The following RNF111 variants were observed in gnomAD, a reference collection of about 807,000 sequenced individuals.
The protein encoded by RNF111 is E3 ubiquitin-protein ligase Arkadia.
In RNF111, 17 loss-of-function variants were observed where a neutral mutation model predicts 95.1. The ratio of observed to expected loss-of-function variants is 0.18; its 90% CI spans 0.12 to 0.27. RNF111 has a LOEUF of 0.27. Among genes scored for constraint, RNF111 ranks in the 10% least tolerant of loss-of-function variants. The probability of loss-of-function intolerance (pLI) is 1.00; values close to 1 mark genes in which losing one functional copy is unlikely to be tolerated. For missense variants in RNF111, 1,189 were observed against 1,210.4 expected, an observed-to-expected ratio of 0.98 and a Z score of 0.26; for synonymous variants, 440 against 414.8, an observed-to-expected ratio of 1.06 and a Z score of -0.74.
intron 1 of RNF111, among the ~76,000 whole-genome samples, chr15:58,991,608 G>C (rs1350228791): frequency 1.3e-5 from 2 of 152,184 alleles, no homozygotes; most frequent in Non-Finnish European, 2.9e-5. Context: ...AATTTGACCT[G>C]TGACTTCAAT....
intron 6 of RNF111, among the ~76,000 whole-genome samples, chr15:59,075,559 T>C (rs1469778764): frequency 4.6e-5 from 7 of 152,206 alleles, no homozygotes; most frequent in Admixed American, 3.9e-4. Context: ...TAGTATGTTT[T>C]CTCAAGGAGT....
chr15:59,027,626 T>A (rs1040088398), intron 1 of RNF111, among the ~76,000 whole-genome samples: 1 of 152,028 alleles, frequency 6.6e-6, no homozygotes, highest in Non-Finnish European at 1.5e-5. Flanking sequence ...TCTCCTGGGT[T>A]CAAGCGATTC....
intron 1 of RNF111, among the ~76,000 whole-genome samples, chr15:59,030,097 A>G (rs1452045725): frequency 6.6e-6 from 1 of 152,174 alleles, no homozygotes; most frequent in Non-Finnish European, 1.5e-5. Context: ...AATGATTTAG[A>G]TAGATTAGCT....
At chr15:58,997,499 G>A (rs2039129190) in intron 1 of RNF111, among the ~76,000 whole-genome samples, 1 of 149,502 alleles carries the variant, frequency 6.7e-6, no homozygotes, top group Non-Finnish European at 1.5e-5. Flanking sequence ...TGTTCTTCAT[G>A]ACTACACATT....
chr15:59,076,884 C>G (rs1304528064), intron 7 of RNF111, among the ~76,000 whole-genome samples: 1 of 152,046 alleles, frequency 6.6e-6, no homozygotes, highest in Non-Finnish European at 1.5e-5. Context: ...TGGAAATGAA[C>G]CAGGAAGTCA....
At position 59,071,414 on chromosome 15, in the gene RNF111, G is replaced by A. The variant is rs185178342; in HGVS notation, c.1686+4331G>A. ...ATGCTTTTGGAAGGCAGTGCATAGT[G>A]GCTTACGCCTGAAATCCTAGCACCT... is the stretch of plus-strand genomic sequence containing the variant. On this transcript the variant is annotated intron_variant, in intron 6 of 13. Coordinates refer to ENST00000348370, the MANE Select transcript of RNF111 (RefSeq NM_017610.8). 3.9e-3 allele frequency among the ~76,000 whole-genome samples: 587 copies of A among 152,242 alleles called. 1 individual carries two copies. Among genetic ancestry groups the A allele is most frequent in the Non-Finnish European group, 6.9e-3 (467 of 68,012 alleles).
chr15:58,991,465 T>C (rs1437941408), intron 1 of RNF111, among the ~76,000 whole-genome samples: 1 of 152,192 alleles, frequency 6.6e-6, no homozygotes, highest in Non-Finnish European at 1.5e-5. Flanking sequence ...GTTCTGTGTG[T>C]GGGAACATAA....
In RNF111 at chr15:58,992,304, C is replaced by G. The variant is rs893959171; in HGVS notation, c.-20+4236C>G. Among the ~76,000 whole-genome samples the G allele has an allele frequency of 5.3e-5, 8 of 152,254 alleles. No individual in the cohort carries two copies. In the South Asian group the frequency reaches 1.7e-3, roughly 32 times the overall value. ...AGGTGATTCGCCCGTCTCGGCCTCC[C>G]AAAGTGCTGGGATTACAGACGTGGG... On this transcript the variant is annotated intron_variant, in intron 1 of 13. Coordinates refer to ENST00000348370, the MANE Select transcript of RNF111 (RefSeq NM_017610.8).
chr15:59,022,105 C>G (rs570008044), intron 1 of RNF111, among the ~76,000 whole-genome samples: 40 of 152,152 alleles, frequency 2.6e-4, no homozygotes, highest in Non-Finnish European at 4.9e-4. Context: ...AGTGATCTCC[C>G]CGCCTTGGCC....
Position 59,090,140 on chromosome 15 carries a change from G to A in RNF111, c.2643+381G>A, listed in dbSNP as rs750573150. On this transcript the variant is annotated intron_variant, in intron 11 of 13. Transcript: ENST00000348370. ...TAAGTAATTCCCTTTGTAGCTAAAT[G>A]TCTTGTTTGAATTTTCAGGAAGAAC... 3.9e-5 allele frequency among the ~76,000 whole-genome samples: 6 copies of A among 152,188 alleles called. No individual in the cohort carries two copies. The East Asian group carries it at 7.7e-4, about 20-fold the overall frequency.
chr15:59,088,150 T>G (rs2078950323), intron 10 of RNF111, among the ~76,000 whole-genome samples: 1 of 152,122 alleles, frequency 6.6e-6, no homozygotes, highest in African/African-American at 2.4e-5. Flanking sequence ...GAGGAATTGT[T>G]TGAAGATATT....
chr15:59,044,376 A>G (rs112982532), intron 2 of RNF111, among the ~76,000 whole-genome samples: 9,990 of 152,236 alleles, frequency 0.066, 303 homozygotes, highest in Middle Eastern at 0.095. Context: ...CTTAAGGCAC[A>G]GAGAGACTAA....
rs915187974 is a variant in RNF111, at chr15:58,987,705, C to T, written c.-383C>T. On this transcript the variant is annotated 5_prime_UTR_variant, in exon 1 of 14. Coordinates refer to ENST00000348370, the MANE Select transcript of RNF111 (RefSeq NM_017610.8). The stretch of plus-strand genomic sequence containing the variant: ...GGTAGGGGAGGAATTGGTTAGGCGG[C>T]GGCGGCGGCGAAGCGGCGGCGGCGG... 1 of 179,056 alleles carries T rather than the reference C, an allele frequency of 5.6e-6. No individual in the cohort carries two copies. Among genetic ancestry groups the T allele is most frequent in the Non-Finnish European group, 1.1e-5 (1 of 87,838 alleles). The allele number at this position is 179,056 out of a possible 1,614,324, so 11.1% of individuals were successfully genotyped here. A position where few individuals can be genotyped will look rare whatever the true frequency, so the allele number is the denominator to read the frequency against.
At chr15:58,995,214 C>T (rs572453494) in intron 1 of RNF111, among the ~76,000 whole-genome samples, 1 of 152,156 alleles carries the variant, frequency 6.6e-6, no homozygotes, top group African/African-American at 2.4e-5. Flanking sequence ...CTATGCTGAT[C>T]TTTACTGATC....
chr15:58,994,934 C>T (rs952604696), intron 1 of RNF111, among the ~76,000 whole-genome samples: 15 of 152,208 alleles, frequency 9.9e-5, no homozygotes, highest in African/African-American at 3.6e-4. Context: ...TATTAATCTA[C>T]AGCTCATTTT....
chr15:59,038,985 A>G (rs1224327123), intron 2 of RNF111, among the ~76,000 whole-genome samples: 2 of 152,098 alleles, frequency 1.3e-5, no homozygotes, highest in Non-Finnish European at 2.9e-5. Flanking sequence ...ATTTTTTGAG[A>G]TGGAGTTTCA....
chr15:59,007,527 C>G lies in RNF111; in HGVS notation c.-20+19459C>G, dbSNP rs567748226. 2.6e-5 allele frequency among the ~76,000 whole-genome samples: 4 copies of G among 152,262 alleles called. No individual in the cohort carries two copies. The South Asian group carries it at 8.3e-4, about 32-fold the overall frequency. On this transcript the variant is annotated intron_variant, in intron 1 of 13. Coordinates refer to ENST00000348370, the MANE Select transcript of RNF111 (RefSeq NM_017610.8). ...TATTATGAGTAAAGCGATGAACATT[C>G]ATATACAAGTCTTTGTATTCACGTT... is the stretch of plus-strand genomic sequence containing the variant.
rs772028328 is a variant in RNF111 at position 59,066,866 on chromosome 15, C to T, written c.1469C>T (p.Ser490Leu). The T allele has an allele frequency of 6.2e-6, 10 of 1,613,910 alleles. No individual in the cohort carries two copies. Among genetic ancestry groups the T allele is most frequent in the African/African-American group, 2.7e-5 (2 of 74,830 alleles). ...CCCCAGCACTCACCATGTGGAGGGT[C>T]GTCACAGAACCACCATGCATTAGGA... Reference protein sequence around the residue: ...CCPQHSPCGGSSQNHHALGHP... With the variant: ...CCPQHSPCGGLSQNHHALGHP... The change falls in exon 6 of 14, where the codon TCG (serine) becomes TTG (leucine). Residue 490 changes from serine (S) to leucine (L), a missense_variant. This residue lies in a region of RNF111 where 1,024 missense variants were observed against 925.9 expected (regional missense o/e 1.11). Transcript: ENST00000348370.
intron 1 of RNF111, among the ~76,000 whole-genome samples, chr15:59,014,671 T>C (rs935765591): frequency 6.6e-6 from 1 of 152,128 alleles, no homozygotes; most frequent in Non-Finnish European, 1.5e-5. Context: ...TGATCTCTCT[T>C]TGGGTGCAGA....
Sources: allele counts gnomAD v4.1 joint callset (sites outside exome capture counted in the v4.1 genomes callset), GRCh38; gene constraint gnomAD v4.1.1; regional missense constraint gnomAD v4.1.1; transcripts MANE v1.5; gene names NCBI Gene and HGNC (gene_info 2026-07-23, HGNC 2026-07-21).